Variants in NBEAL1 observed in about 807,000 individuals in gnomAD.
The protein encoded by NBEAL1 is neurobeachin like 1.
In NBEAL1, 273 loss-of-function variants were observed where a neutral mutation model predicts 351.3. The ratio of observed to expected loss-of-function variants is 0.78; its 90% CI spans 0.70 to 0.86. The LOEUF is 0.86. Ranked by LOEUF, NBEAL1 falls within the 40% of genes least tolerant of loss-of-function variation. The pLI, the probability that NBEAL1 is intolerant of heterozygous loss-of-function variation, is 0.00. For synonymous variants in NBEAL1, 1,050 were observed against 1,086.4 expected, an observed-to-expected ratio of 0.97 and a Z score of 0.66; for missense variants, 2,961 against 3,201.3, an observed-to-expected ratio of 0.92 and a Z score of 1.81.
intron 31 of NBEAL1, among the ~76,000 whole-genome samples, chr2:203,139,868 T>C (rs2063323641): frequency 6.6e-6 from 1 of 152,048 alleles, no homozygotes. Context: ...CCCCGGTCAC[T>C]CTATTTTTAA....
rs1306636245 is a variant in NBEAL1 at position 203,126,623 on chromosome 2, T to C, written c.3052T>C (p.Leu1018=). 1 of 1,529,142 alleles carries C rather than the reference T, an allele frequency of 6.5e-7. No individual in the cohort carries two copies. Among genetic ancestry groups the C allele is most frequent in the Non-Finnish European group, 8.8e-7 (1 of 1,138,244 alleles). 94.7% of individuals were successfully genotyped at this position (1,529,142 alleles called of 1,614,324 possible). A position where few individuals can be genotyped will look rare whatever the true frequency, so the allele number is the denominator to read the frequency against. The change falls in exon 22 of 56, where the codon TTA becomes CTA. Residue 1018 remains leucine, a synonymous_variant. Transcript: ENST00000683969. The part of the protein sequence containing the change: ...AVQLLIEQVS[L]EKNMQLLQQM... ...TCAGTTACTAATTGAACAAGTATCA[T>C]TAGAGAAAAATATGCAGCTCCTGCA...
rs1370446038 is a variant in NBEAL1 at position 203,099,701 on chromosome 2, C to G, written c.1258C>G (p.Pro420Ala). ...QALTAVMNKSPAAKEVFKERI... is the reference protein window; with the variant it reads ...QALTAVMNKSAAAKEVFKERI... ...TTTGACCGCAGTAATGAACAAATCT[C>G]CAGCTGCTAAGGTGAAACATATATC... Residue 420 changes from proline to alanine, a missense_variant, in exon 12 of 56, where the codon CCA (proline) becomes GCA (alanine). Physicochemically the swap from Pro to Ala is conservative, Grantham distance 27. Coordinates refer to ENST00000683969, the MANE Select transcript of NBEAL1 (RefSeq NM_001378026.1). The G allele has an allele frequency of 6.5e-7, 1 of 1,547,062 alleles. No individual in the cohort carries two copies. The highest frequency in any genetic ancestry group is 8.7e-7 in the Non-Finnish European group (1 of 1,144,606).
At chr2:203,172,934 A>T in intron 41 of NBEAL1, 81 bp downstream of exon 41, 1 of 1,355,286 alleles carries the variant, frequency 7.4e-7, no homozygotes, top group Non-Finnish European at 9.8e-7. Flanking sequence ...CCAACCAAAA[A>T]AATTTTTTTT....
At chr2:203,101,189 G>A (rs965119233) in intron 12 of NBEAL1, among the ~76,000 whole-genome samples, 3 of 152,294 alleles carry the variant, frequency 2.0e-5, no homozygotes, top group Non-Finnish European at 4.4e-5. Context: ...GTATTGTAAG[G>A]AAGGGGTCCA....
At chr2:203,132,538 C>A (rs1322223683) in intron 26 of NBEAL1, among the ~76,000 whole-genome samples, 5 of 152,016 alleles carry the variant, frequency 3.3e-5, no homozygotes, top group Admixed American at 3.3e-4. Context: ...GCTGTATTGA[C>A]CAGGTTGGTG....
At chr2:203,158,825 T>TG (rs1299659694) in intron 36 of NBEAL1, among the ~76,000 whole-genome samples, 1 of 143,244 alleles carries the variant, frequency 7.0e-6, no homozygotes, top group South Asian at 2.3e-4. Context: ...GTTTTTTTTT[T>TG]TTTTTTTTTT....
chr2:203,160,840 G>C (rs146966829), intron 36 of NBEAL1, among the ~76,000 whole-genome samples: 1 of 152,106 alleles, frequency 6.6e-6, no homozygotes, highest in Non-Finnish European at 1.5e-5. Flanking sequence ...GGCCTAGTAG[G>C]GATTGTCTGT....
chr2:203,172,138 T>C (rs1347833330), intron 40 of NBEAL1, 115 bp downstream of exon 40: 1 of 477,632 alleles, frequency 2.1e-6, no homozygotes, highest in East Asian at 3.5e-5. Context: ...CTTTGGCCTT[T>C]CTGTATGTTT....
Position 203,149,027 on chromosome 2 carries a change from C to G in NBEAL1, c.5341C>G (p.Gln1781Glu). The G allele has an allele frequency of 6.2e-7, 1 of 1,610,272 alleles. No individual in the cohort carries two copies. The highest frequency in any genetic ancestry group is 1.1e-5 in the South Asian group (1 of 90,378). Residue 1781 changes from glutamine (Q) to glutamate (E), a missense_variant, in exon 34 of 56, where the codon CAA becomes GAA. Coordinates refer to ENST00000683969, the MANE Select transcript of NBEAL1 (RefSeq NM_001378026.1). Reference protein sequence around the residue: ...FVEPFNRKARQENLRYNNMLK... With the variant: ...FVEPFNRKAREENLRYNNMLK... ...GGAGCCATTTAATCGAAAAGCACGC[C>G]AAGAGAACCTGAGGTATAATAATAT... is the stretch of plus-strand genomic sequence containing the variant.
At position 203,169,854 on chromosome 2, in the gene NBEAL1, A is replaced by T; in HGVS notation, c.6102+3A>T. 1 of 1,541,070 alleles carries T rather than the reference A, an allele frequency of 6.5e-7. No individual in the cohort carries two copies. Among genetic ancestry groups the T allele is most frequent in the Non-Finnish European group, 8.9e-7 (1 of 1,122,110 alleles). ...TCAAAGCATCAGGATTGACACAGGTAGGAAATTGTAATAGTCTCTAATGAA... is the reference window on the plus strand; with the variant it reads ...TCAAAGCATCAGGATTGACACAGGTTGGAAATTGTAATAGTCTCTAATGAA... On this transcript the variant is annotated splice_donor_region_variant and intron_variant, in intron 39 of 55. Transcript: ENST00000683969.
At chr2:203,130,558 C>A in intron 25 of NBEAL1, 82 bp downstream of exon 25, 2 of 892,128 alleles carry the variant, frequency 2.2e-6, no homozygotes, top group Non-Finnish European at 3.0e-6. Context: ...CATTCTGTGA[C>A]TATAAATTAT....
At chr2:203,081,044 A>G (rs1432687047) in intron 8 of NBEAL1, among the ~76,000 whole-genome samples, 1 of 152,176 alleles carries the variant, frequency 6.6e-6, no homozygotes, top group Admixed American at 6.5e-5. Context: ...TGGAAGTCCA[A>G]TTTATTATTT....
intron 44 of NBEAL1, 50 bp from the exon 45 acceptor site, chr2:203,188,422 G>A (rs757363980): frequency 1.0e-6 from 1 of 963,210 alleles, no homozygotes; most frequent in South Asian, 2.4e-5. Flanking sequence ...AATTTACAAT[G>A]TAGTTGGAAG....
chr2:203,039,992 G>A, intron 2 of NBEAL1: 1 of 558,090 alleles, frequency 1.8e-6, no homozygotes, highest in South Asian at 2.3e-5. Context: ...TAAGGTAAAG[G>A]GGTGGTGAGG....
At chr2:203,028,184 AT>A (rs925239759) in intron 2 of NBEAL1, among the ~76,000 whole-genome samples, 583 of 142,110 alleles carry the variant, frequency 4.1e-3, no homozygotes, top group Admixed American at 4.8e-3. Flanking sequence ...GCCTGGCCCA[AT>A]TTTTTTTTTT....
At chr2:203,050,724 A>G (rs2061311246) in intron 4 of NBEAL1, among the ~76,000 whole-genome samples, 2 of 152,242 alleles carry the variant, frequency 1.3e-5, no homozygotes, top group South Asian at 4.1e-4. Flanking sequence ...ACTTAGTAGA[A>G]TATAGAGCTT....
chr2:203,207,914 G>A (rs1172197556), intron 51 of NBEAL1, among the ~76,000 whole-genome samples: 1 of 152,200 alleles, frequency 6.6e-6, no homozygotes, highest in Non-Finnish European at 1.5e-5. Flanking sequence ...GTTAGAGAAA[G>A]AATGATAACT....
At chr2:203,207,721 C>T (rs965903700) in intron 51 of NBEAL1, among the ~76,000 whole-genome samples, 2 of 152,106 alleles carry the variant, frequency 1.3e-5, no homozygotes, top group Non-Finnish European at 2.9e-5. Flanking sequence ...GCAGCATGCT[C>T]GTTAAGAGTC....
intron 2 of NBEAL1, among the ~76,000 whole-genome samples, chr2:203,021,943 C>A (rs890958083): frequency 6.6e-6 from 1 of 150,994 alleles, no homozygotes; most frequent in Non-Finnish European, 1.5e-5. Flanking sequence ...CCCACCTACT[C>A]GGGAGGCTGA....
Sources: gnomAD v4.1 joint callset for allele counts (sites outside exome capture counted in the v4.1 genomes callset) on GRCh38, gnomAD v4.1.1 for gene constraint, MANE v1.5 for transcripts, NCBI Gene and HGNC (gene_info 2026-07-23, HGNC 2026-07-21) for gene names.